Variants in DNAH9 observed in about 807,000 individuals in gnomAD.
DNAH9 encodes dynein axonemal heavy chain 9, also known as DNAH9 variant protein.
DNAH9 carries 345 observed loss-of-function variants against 471.6 expected under a neutral mutation model. The ratio of observed to expected loss-of-function variants is 0.73; its 90% CI spans 0.67 to 0.80. The LOEUF (loss-of-function observed/expected upper bound fraction) is 0.80. Ranked by LOEUF, DNAH9 falls within the 30% of genes least tolerant of loss-of-function variation. The pLI is 0.00. For synonymous variants in DNAH9, 2,093 were observed against 2,123.6 expected (o/e 0.99, Z 0.40); for missense variants, 5,407 against 5,609.2 (o/e 0.96, Z 1.15).
rs1349240904 is a variant in DNAH9 at position 11,932,894 on chromosome 17, T to G, written c.12297+689T>G. On this transcript the variant is annotated intron_variant, in intron 64 of 68. Transcript: ENST00000262442. The surrounding 1 kb of genome is among the most constrained non-coding windows in gnomAD (Gnocchi z 4.3). ...GTTCCCAAACTTCGCTAACAATCAG[T>G]GCTCTTCCAGTTAAGGGAATATTCA... Among the ~76,000 whole-genome samples, 2 of 152,204 alleles carry G rather than the reference T, an allele frequency of 1.3e-5. No individual in the cohort carries two copies. The highest frequency in any genetic ancestry group is 4.8e-5 in the African/African-American group (2 of 41,452).
intron 14 of DNAH9, among the ~76,000 whole-genome samples, chr17:11,654,385 A>C (rs910090331): frequency 1.4e-5 from 2 of 147,318 alleles, no homozygotes; most frequent in African/African-American, 5.0e-5. Flanking sequence ...AAAAGTTTAA[A>C]ATCGATCTAT....
At chr17:11,639,943 T>C (rs1210216572) in intron 9 of DNAH9, among the ~76,000 whole-genome samples, 1 of 152,122 alleles carries the variant, frequency 6.6e-6, no homozygotes. Flanking sequence ...GCAGAGGTTG[T>C]AGTGAGCCAC....
At chr17:11,930,761 T>G in intron 63 of DNAH9, among the ~76,000 whole-genome samples, 1 of 23,652 alleles carries the variant, frequency 4.2e-5, no homozygotes. Flanking sequence ...TGAGACTCCA[T>G]CTCCAAAAAA....
At position 11,689,977 on chromosome 17, in the gene DNAH9, C is replaced by G. The variant is rs2073404138; in HGVS notation, c.4155C>G (p.His1385Gln). Residue 1385 changes from histidine (H) to glutamine (Q), a missense_variant, in exon 20 of 69, where the codon CAC (histidine) becomes CAG (glutamine). By Grantham distance (24) the His-to-Gln change is conservative. Around this residue, in one of 3 missense-constraint regions of DNAH9, gnomAD observed 4,636 missense variants for 4,900.3 expected, o/e 0.95. Transcript: ENST00000262442. ...ELQNPAIRER[H>Q]WRQLMQATGV... Reference sequence around the variant, plus strand: ...AGAATCCAGCCATCCGGGAGCGGCACTGGAGGCAGCTGATGCAGGCCACCG... The same window carrying G: ...AGAATCCAGCCATCCGGGAGCGGCAGTGGAGGCAGCTGATGCAGGCCACCG... 6.2e-7 allele frequency: 1 copy of G among 1,613,894 alleles called. No homozygotes were observed. The highest frequency in any genetic ancestry group is 1.3e-5 in the African/African-American group (1 of 74,930).
At chr17:11,773,449 G>A (rs928150065) in intron 38 of DNAH9, among the ~76,000 whole-genome samples, 10 of 151,994 alleles carry the variant, frequency 6.6e-5, no homozygotes, top group Non-Finnish European at 1.0e-4. Context: ...TGTTGAGTGA[G>A]AAAAGGAAGA....
chr17:11,606,925 C>A (rs1271314729), intron 1 of DNAH9, among the ~76,000 whole-genome samples: 2 of 152,118 alleles, frequency 1.3e-5, no homozygotes, highest in Non-Finnish European at 2.9e-5. Flanking sequence ...GGTGTCTCTT[C>A]CTTGAAAAGT....
chr17:11,748,394 G>A (rs1030716999), intron 32 of DNAH9, among the ~76,000 whole-genome samples: 3 of 152,164 alleles, frequency 2.0e-5, no homozygotes, highest in Non-Finnish European at 2.9e-5. Flanking sequence ...AGTATGAGCC[G>A]TGGTGTAGAG....
chr17:11,711,469 C>T (rs1224050705), intron 26 of DNAH9, among the ~76,000 whole-genome samples: 1 of 152,124 alleles, frequency 6.6e-6, no homozygotes, highest in South Asian at 2.1e-4. Context: ...CTAAGTTCAT[C>T]AGTCTACCTC....
At position 11,689,691 on chromosome 17, in the gene DNAH9, A is replaced by G. The variant is rs927581990; in HGVS notation, c.3869A>G (p.Lys1290Arg). 3.1e-6 allele frequency: 5 copies of G among 1,614,046 alleles called. No homozygotes were observed. The highest frequency in any genetic ancestry group is 4.2e-6 in the Non-Finnish European group (5 of 1,180,022). ...TTTGAAGTCAATGTCCCTGACTATA[A>G]GCAGCTGAGGCAGTGCAGGAAGGAG... ...SLFEVNVPDYKQLRQCRKEVC... is the reference protein window; with the variant it reads ...SLFEVNVPDYRQLRQCRKEVC... The change falls in exon 20 of 69, where the codon AAG becomes AGG. Residue 1290 changes from lysine to arginine, a missense_variant. Transcript: ENST00000262442.
intron 42 of DNAH9, among the ~76,000 whole-genome samples, chr17:11,797,393 A>G (rs1969282496): frequency 6.6e-6 from 1 of 152,168 alleles, no homozygotes; most frequent in Admixed American, 6.5e-5. Context: ...TTAAGGAATA[A>G]CAAACATCAC....
intron 27 of DNAH9, among the ~76,000 whole-genome samples, chr17:11,720,876 A>G (rs2075044759): frequency 6.6e-6 from 1 of 152,160 alleles, no homozygotes; most frequent in Non-Finnish European, 1.5e-5. Flanking sequence ...CATTAAGATA[A>G]TGTTTCTCTT....
chr17:11,817,439 C>T (rs1352115720), intron 45 of DNAH9, among the ~76,000 whole-genome samples: 1 of 152,062 alleles, frequency 6.6e-6, no homozygotes, highest in Non-Finnish European at 1.5e-5. Flanking sequence ...ATTAATAAAC[C>T]AGGGTCATCA....
intron 67 of DNAH9, among the ~76,000 whole-genome samples, chr17:11,943,537 C>T (rs921055142): frequency 2.0e-5 from 3 of 151,956 alleles, no homozygotes; most frequent in Admixed American, 6.6e-5. Context: ...ATTAGCCAGG[C>T]GTGGCGGTGT....
At chr17:11,795,053 C>T (rs529031886) in intron 42 of DNAH9, among the ~76,000 whole-genome samples, 8 of 132,630 alleles carry the variant, frequency 6.0e-5, no homozygotes, top group Middle Eastern at 3.6e-3. Context: ...TGCACATGTA[C>T]CCTAGAACTT....
chr17:11,831,691 C>A (rs911655446), intron 48 of DNAH9, among the ~76,000 whole-genome samples: 1 of 152,202 alleles, frequency 6.6e-6, no homozygotes, highest in Admixed American at 6.5e-5. Flanking sequence ...AGTTCTCCCC[C>A]ACAGGCAATG....
intron 66 of DNAH9, among the ~76,000 whole-genome samples, chr17:11,940,481 A>G (rs189246505): frequency 1.2e-3 from 181 of 152,276 alleles, no homozygotes; most frequent in Non-Finnish European, 1.6e-3. Context: ...TATATATATA[A>G]TTTTAGCCAT....
chr17:11,938,275 T>G (rs1429068041), intron 66 of DNAH9, among the ~76,000 whole-genome samples: 2 of 151,944 alleles, frequency 1.3e-5, no homozygotes, highest in Non-Finnish European at 2.9e-5. Context: ...CTGGCCAACA[T>G]GGTGAAACCC....
chr17:11,791,653 G>A (rs944847047), intron 41 of DNAH9, among the ~76,000 whole-genome samples: 16 of 152,202 alleles, frequency 1.1e-4, no homozygotes, highest in East Asian at 1.9e-4. Context: ...GGAGGCTGCC[G>A]CGAGCCGAGA....
intron 28 of DNAH9, among the ~76,000 whole-genome samples, chr17:11,734,702 C>A (rs1485513782): frequency 6.6e-6 from 1 of 152,176 alleles, no homozygotes; most frequent in East Asian, 1.9e-4. Flanking sequence ...CTTCCTGGAC[C>A]CTGATCATTG....
Sources: allele counts gnomAD v4.1 joint callset (sites outside exome capture counted in the v4.1 genomes callset), GRCh38; gene constraint gnomAD v4.1.1; regional missense constraint gnomAD v4.1.1; non-coding constraint Gnocchi (gnomAD v3.1); transcripts MANE v1.5; gene names NCBI Gene and HGNC (gene_info 2026-07-23, HGNC 2026-07-21).